The following GALK2 variants were observed in gnomAD, a reference collection of about 807,000 sequenced individuals.
GALK2 encodes galactokinase 2.
In GALK2, 36 loss-of-function variants were observed where a neutral mutation model predicts 52.4. The ratio of observed to expected loss-of-function variants is 0.69; its 90% confidence interval spans 0.53 to 0.91. The LOEUF (loss-of-function observed/expected upper bound fraction) is 0.91. GALK2 is among the 40% of genes least tolerant of loss of function. The pLI is 0.00. For synonymous variants in GALK2, 176 were observed against 199.1 expected (o/e 0.88, Z 0.98); for missense variants, 579 against 559.1 (o/e 1.04, Z -0.36).
intron 7 of GALK2, among the ~76,000 whole-genome samples, chr15:49,288,206 A>G (rs1404382616): frequency 1.3e-5 from 2 of 152,200 alleles, no homozygotes; most frequent in Non-Finnish European, 2.9e-5. Flanking sequence ...CTTTTCTTAT[A>G]CAGTATCCCT....
intron 1 of GALK2, among the ~76,000 whole-genome samples, chr15:49,182,095 T>C (rs527984866): frequency 6.6e-6 from 1 of 152,350 alleles, no homozygotes; most frequent in African/African-American, 2.4e-5. Context: ...TTATTCATTC[T>C]ATCTAACTTC....
At chr15:49,293,820 C>T in intron 8 of GALK2, among the ~76,000 whole-genome samples, 1 of 151,988 alleles carries the variant, frequency 6.6e-6, no homozygotes, top group East Asian at 1.9e-4. Flanking sequence ...CAGCTTAAGG[C>T]CGGGTGCAGG....
Position 49,251,791 on chromosome 15 carries a change from A to G in GALK2, c.504+12424A>G, listed in dbSNP as rs529331922. Among the ~76,000 whole-genome samples the G allele has an allele frequency of 7.2e-5, 11 of 152,318 alleles. No homozygotes were observed. The South Asian group carries it at 2.3e-3, about 32-fold the overall frequency. On this transcript the variant is annotated intron_variant, in intron 5 of 9. Coordinates refer to ENST00000560031, the MANE Select transcript of GALK2 (RefSeq NM_002044.4). Reference sequence around the variant, plus strand: ...ATTAAGCTTTATTTTTATGCTTTATATACTTTTCTCTATGTTCTGTACTTC... The same window carrying G: ...ATTAAGCTTTATTTTTATGCTTTATGTACTTTTCTCTATGTTCTGTACTTC...
chr15:49,289,144 C>G (rs1313921745), intron 7 of GALK2, among the ~76,000 whole-genome samples: 2 of 152,142 alleles, frequency 1.3e-5, no homozygotes, highest in Non-Finnish European at 2.9e-5. Context: ...TAACCTCTGT[C>G]TTTTCTGGTG....
At chr15:49,204,398 C>T (rs1245166028) in intron 2 of GALK2, among the ~76,000 whole-genome samples, 5 of 151,416 alleles carry the variant, frequency 3.3e-5, no homozygotes, top group East Asian at 1.9e-4. Flanking sequence ...TGGTATCATA[C>T]GAGGAATTGC....
intron 2 of GALK2, among the ~76,000 whole-genome samples, chr15:49,207,645 G>A (rs2088414496): frequency 6.6e-6 from 1 of 152,136 alleles, no homozygotes; most frequent in South Asian, 2.1e-4. Flanking sequence ...ATGTAAAGGT[G>A]TTCATAGTCG....
At chr15:49,243,499 T>G (rs529738993) in intron 5 of GALK2, among the ~76,000 whole-genome samples, 1 of 152,270 alleles carries the variant, frequency 6.6e-6, no homozygotes, top group Admixed American at 6.5e-5. Context: ...CTCCAGCTCC[T>G]CTATGACCTT....
chr15:49,335,511 A>T, downstream of GALK2: 1 of 1,595,930 alleles, frequency 6.3e-7, no homozygotes, highest in South Asian at 1.1e-5. Context: ...TAGGCTTATT[A>T]TTAAGGAATG....
intron 1 of GALK2, among the ~76,000 whole-genome samples, chr15:49,173,394 A>G (rs1208880024): frequency 6.6e-6 from 1 of 152,176 alleles, no homozygotes; most frequent in Non-Finnish European, 1.5e-5. Flanking sequence ...TTGAGTCTCT[A>G]TTCTACCAGT....
chr15:49,225,859 G>A (rs1450614891), intron 3 of GALK2, among the ~76,000 whole-genome samples: 1 of 152,220 alleles, frequency 6.6e-6, no homozygotes, highest in Non-Finnish European at 1.5e-5. Flanking sequence ...ACTGCTTCCA[G>A]ACCTCTGAGA....
At chr15:49,263,708 T>C (rs1293132883) in intron 5 of GALK2, among the ~76,000 whole-genome samples, 1 of 129,876 alleles carries the variant, frequency 7.7e-6, no homozygotes, top group Non-Finnish European at 1.6e-5. Flanking sequence ...CGGCTGGTAC[T>C]GGTTGTTCCT....
chr15:49,363,408 G>C (rs771738965), intron 3 of GALK2, among the ~76,000 whole-genome samples: 12 of 152,102 alleles, frequency 7.9e-5, no homozygotes, highest in Non-Finnish European at 1.6e-4. Flanking sequence ...TTGCAGACTT[G>C]ATTTGATTCT....
chr15:49,236,321 C>T (rs2090804711), intron 4 of GALK2, among the ~76,000 whole-genome samples: 1 of 152,098 alleles, frequency 6.6e-6, no homozygotes, highest in Admixed American at 6.5e-5. Flanking sequence ...CTGGGCTCTT[C>T]TCAGCTGTGG....
chr15:49,170,071 C>A, upstream of GALK2: 2 of 720,822 alleles, frequency 2.8e-6, no homozygotes, highest in Non-Finnish European at 4.2e-6. Flanking sequence ...TAGTCCCTCC[C>A]TGGGAGCTAA....
At chr15:49,170,461 G>A in intron 1 of GALK2, 86 bp downstream of exon 1, 1 of 1,403,892 alleles carries the variant, frequency 7.1e-7, no homozygotes, top group South Asian at 1.2e-5. Flanking sequence ...CCTCCCTTGG[G>A]GCGCTGCTTT....
chr15:49,328,223 C>T lies in GALK2; in HGVS notation c.*64C>T, dbSNP rs2037871044. On this transcript the variant is annotated 3_prime_UTR_variant, in exon 10 of 10. Transcript: ENST00000560031. ...TTAGGAATTGGCAGGACTTTCTGTG[C>T]CACAGTAAATTAATCTTCCTTCTGT... 22 of 1,530,250 alleles carry T rather than the reference C, an allele frequency of 1.4e-5. No individual in the cohort carries two copies. The highest frequency in any genetic ancestry group is 1.8e-5 in the Non-Finnish European group (20 of 1,136,450). The allele number at this position is 1,530,250 out of a possible 1,614,324, so 94.8% of individuals were successfully genotyped here.
intron 5 of GALK2, among the ~76,000 whole-genome samples, chr15:49,262,482 C>T (rs975419620): frequency 2.6e-5 from 4 of 152,084 alleles, no homozygotes; most frequent in South Asian, 4.1e-4. Context: ...GTCTTGCTAG[C>T]GGTCTGTCAA....
chr15:49,349,203 T>A (rs2041922127), intron 3 of GALK2, among the ~76,000 whole-genome samples: 1 of 152,350 alleles, frequency 6.6e-6, no homozygotes, highest in South Asian at 2.1e-4. Flanking sequence ...TACAATTTTT[T>A]AATTGTCTCT....
At chr15:49,257,697 C>A (rs139722693) in intron 5 of GALK2, among the ~76,000 whole-genome samples, 145 of 152,116 alleles carry the variant, frequency 9.5e-4, no homozygotes, top group Middle Eastern at 3.4e-3. Flanking sequence ...AGTTTTAGCA[C>A]TGAGGGCTAG....
Sources: allele counts gnomAD v4.1 joint callset (sites outside exome capture counted in the v4.1 genomes callset), GRCh38; gene constraint gnomAD v4.1.1; transcripts MANE v1.5; gene names NCBI Gene and HGNC (gene_info 2026-07-23, HGNC 2026-07-21).